Variants in RASGRF1 observed in about 807,000 individuals in gnomAD.
RASGRF1 encodes the protein ras-specific guanine nucleotide-releasing factor 1.
In RASGRF1, 40 loss-of-function variants were observed where a neutral mutation model predicts 138.7. The observed-to-expected ratio is 0.29, with a 90% confidence interval of 0.22 to 0.38. The LOEUF is 0.38. Ranked by LOEUF, RASGRF1 falls within the 10% of genes least tolerant of loss-of-function variation. The pLI, the probability that RASGRF1 is intolerant of heterozygous loss-of-function variation, is 1.00. For missense variants in RASGRF1, 1,108 were observed against 1,650.4 expected (o/e 0.67, Z 5.69); for synonymous variants, 614 against 663.2 (o/e 0.93, Z 1.14).
At position 79,001,827 on chromosome 15, in the gene RASGRF1, TTA is replaced by T. The variant is rs1491236619; in HGVS notation, c.2450-42_2450-41del. 629 of 1,241,114 alleles carry T rather than the reference TTA, an allele frequency of 5.1e-4. 5 individuals are homozygous for T. The African/African-American group carries it at 1.0e-2, about 20-fold the overall frequency. 76.9% of individuals were successfully genotyped at this position (1,241,114 alleles called of 1,614,324 possible). ...ATAAATAATTTTACTTTTCTTAATTTTAATTTTAAAATTTAAATATTTGATTT... is the reference window on the plus strand; with the variant it reads ...ATAAATAATTTTACTTTTCTTAATTTATTTTAAAATTTAAATATTTGATTT... On this transcript the variant is annotated intron_variant, in intron 15 of 26. Transcript: ENST00000558480.
intron 23 of RASGRF1, 22 bp downstream of exon 23, chr15:78,984,985 G>A (rs11855236): frequency 3.2e-5 from 52 of 1,608,214 alleles, no homozygotes; most frequent in Non-Finnish European, 4.3e-5. Context: ...GGGAGGCAGT[G>A]GTGCCAGCCT....
rs1439188724 is a variant in RASGRF1, at chr15:79,025,300, C to A, written c.1542+14G>T. ...AGCTGGGCAGCCCCCAAGCCCCTCT[C>A]CCGTAGCCCTTACCTTGGTCAAGTG... is the stretch of plus-strand genomic sequence containing the variant. On this transcript the variant is annotated intron_variant, in intron 10 of 26. Transcript: ENST00000558480. 6.9e-6 allele frequency: 11 copies of A among 1,594,374 alleles called. No individual in the cohort carries two copies. The highest frequency in any genetic ancestry group is 9.4e-6 in the Non-Finnish European group (11 of 1,167,136).
chr15:79,004,941 G>T, intron 14 of RASGRF1: 2 of 984,264 alleles, frequency 2.0e-6, no homozygotes, highest in Non-Finnish European at 2.4e-6. Flanking sequence ...GAAAGGTTAA[G>T]GGACTCAGCC....
intron 4 of RASGRF1, among the ~76,000 whole-genome samples, chr15:79,048,030 C>T (rs1396011746): frequency 1.3e-5 from 2 of 152,106 alleles, no homozygotes; most frequent in African/African-American, 4.8e-5. Context: ...CTCTGAGGCT[C>T]CAGGAGGGTG....
chr15:79,003,828 T>C lies in RASGRF1; in HGVS notation c.2423A>G (p.Glu808Gly). The C allele has an allele frequency of 6.2e-7, 1 of 1,609,096 alleles. No individual in the cohort carries two copies. The change falls in exon 15 of 27, where the codon GAA becomes GGA. Residue 808 changes from glutamate (E) to glycine (G), a missense_variant. Coordinates refer to ENST00000558480, the MANE Select transcript of RASGRF1 (RefSeq NM_001145648.3). The part of the protein sequence containing the change: ...DEGDTTPEKP[E>G]DPSALSKQSS... ...CTGCTTGCTGAGCGCTGAAGGGTCT[T>C]CGGGCTTCTCAGGGGTCGTATCGCC...
At chr15:79,085,057 T>C (rs758275084) in intron 1 of RASGRF1, among the ~76,000 whole-genome samples, 4 of 152,222 alleles carry the variant, frequency 2.6e-5, no homozygotes, top group Non-Finnish European at 5.9e-5. Flanking sequence ...CCTGCTCTCC[T>C]GGTGCTTACA....
chr15:79,058,428 A>C lies in RASGRF1; in HGVS notation c.437T>G (p.Leu146Arg). The change falls in exon 3 of 27, where the codon CTG becomes CGG. Residue 146 changes from leucine to arginine, a missense_variant. Leu to Arg is a moderately radical substitution (Grantham distance 102). Around this residue, in one of 3 missense-constraint regions of RASGRF1, gnomAD observed 253 missense variants for 329.5 expected, o/e 0.77. Coordinates refer to ENST00000558480, the MANE Select transcript of RASGRF1 (RefSeq NM_001145648.3). ...HEALMQKYLHLLQIVETEKTV... is the reference protein window; with the variant it reads ...HEALMQKYLHRLQIVETEKTV... Reference sequence around the variant, plus strand: ...CTTCTCTGTCTCCACGATCTGCAGCAGGTGCAGGTATTTCTGCATTAATGC... The same window carrying C: ...CTTCTCTGTCTCCACGATCTGCAGCCGGTGCAGGTATTTCTGCATTAATGC... The C allele has an allele frequency of 6.2e-7, 1 of 1,614,208 alleles. No homozygotes were observed. The highest frequency in any genetic ancestry group is 8.5e-7 in the Non-Finnish European group (1 of 1,180,040).
At chr15:79,072,202 G>A (rs548369017) in intron 1 of RASGRF1, among the ~76,000 whole-genome samples, 1 of 151,282 alleles carries the variant, frequency 6.6e-6, no homozygotes, top group South Asian at 2.1e-4. Context: ...GCGACTGCCT[G>A]AGGACCTCAC....
At chr15:79,077,902 A>T in intron 1 of RASGRF1, among the ~76,000 whole-genome samples, 1 of 36,640 alleles carries the variant, frequency 2.7e-5, no homozygotes, top group Admixed American at 4.1e-4. Context: ...CCTCTGAGAG[A>T]AGGGGTGGGT....
chr15:78,973,204 A>G lies in RASGRF1; in HGVS notation c.3612+99T>C. On this transcript the variant is annotated intron_variant, in intron 25 of 26. Coordinates refer to ENST00000558480, the MANE Select transcript of RASGRF1 (RefSeq NM_001145648.3). The surrounding 1 kb of genome is among the most constrained non-coding windows in gnomAD (Gnocchi z 4.9). ...GCTCCCAAATGGGGGCACCCTATGC[A>G]GCAGGTTGGGCCTTGGGGGGCAGAG... 1 of 937,404 alleles carries G rather than the reference A, an allele frequency of 1.1e-6. No homozygotes were observed. Among genetic ancestry groups the G allele is most frequent in the Non-Finnish European group, 1.6e-6 (1 of 614,618 alleles). The allele number at this position is 937,404 out of a possible 1,614,324, so 58.1% of individuals were successfully genotyped here. A position where few individuals can be genotyped will look rare whatever the true frequency, so the allele number is the denominator to read the frequency against.
In RASGRF1 at chr15:79,089,584, C is replaced by T. The variant is rs543120701; in HGVS notation, c.276+639G>A. 2.6e-5 allele frequency among the ~76,000 whole-genome samples: 4 copies of T among 152,350 alleles called. No individual in the cohort carries two copies. The East Asian group carries it at 7.7e-4, about 29-fold the overall frequency. On this transcript the variant is annotated intron_variant, in intron 1 of 26. Coordinates refer to ENST00000558480, the MANE Select transcript of RASGRF1 (RefSeq NM_001145648.3). ...TGGCCCTAGCCCCGGCGCATCAGAGCGGTCCTTGGGAATCTTTGGGCTTGT... is the reference window on the plus strand; with the variant it reads ...TGGCCCTAGCCCCGGCGCATCAGAGTGGTCCTTGGGAATCTTTGGGCTTGT...
At chr15:78,968,961 T>C (rs1254789342) in intron 26 of RASGRF1, among the ~76,000 whole-genome samples, 1 of 152,160 alleles carries the variant, frequency 6.6e-6, no homozygotes, top group Non-Finnish European at 1.5e-5. Flanking sequence ...ACTCTTGCTA[T>C]CTCCTCTTAG....
intron 22 of RASGRF1, 98 bp from the exon 23 acceptor site, chr15:78,985,302 A>G: frequency 7.9e-7 from 1 of 1,263,668 alleles, no homozygotes; most frequent in Non-Finnish European, 1.1e-6. Context: ...GCTTGAAAAT[A>G]CAAGAAGGAA....
At chr15:78,970,134 C>T (rs564162063) in intron 26 of RASGRF1, among the ~76,000 whole-genome samples, 40 of 152,236 alleles carry the variant, frequency 2.6e-4, no homozygotes, top group Admixed American at 4.6e-4. Flanking sequence ...CTTGATTTTC[C>T]GGTGTGCTTG....
chr15:79,004,600 G>A, intron 14 of RASGRF1: 4 of 978,504 alleles, frequency 4.1e-6, no homozygotes, highest in Non-Finnish European at 4.9e-6. Flanking sequence ...CTCAGAGACA[G>A]GAAATGACTC....
intron 12 of RASGRF1, among the ~76,000 whole-genome samples, chr15:79,016,589 G>A (rs1357377366): frequency 1.3e-5 from 2 of 152,220 alleles, no homozygotes; most frequent in Admixed American, 6.5e-5. Flanking sequence ...GGCCTTTGAC[G>A]GCTGCGGCTC....
chr15:78,983,555 T>A (rs1419949406), intron 23 of RASGRF1, among the ~76,000 whole-genome samples: 1 of 152,186 alleles, frequency 6.6e-6, no homozygotes, highest in East Asian at 1.9e-4. Flanking sequence ...AAGCCTGGTC[T>A]GCAGGGCCTC....
At chr15:79,079,196 C>T (rs552417013) in intron 1 of RASGRF1, among the ~76,000 whole-genome samples, 203 of 152,342 alleles carry the variant, frequency 1.3e-3, no homozygotes, top group Non-Finnish European at 2.3e-3. Context: ...GTGGCTGTTA[C>T]ACTTGGCTGG....
At position 79,090,565 on chromosome 15, in the gene RASGRF1, C is replaced by A. The variant is rs553559676; in HGVS notation, c.-67G>T. On this transcript the variant is annotated 5_prime_UTR_variant, in exon 1 of 27. Coordinates refer to ENST00000558480, the MANE Select transcript of RASGRF1 (RefSeq NM_001145648.3). Reference sequence around the variant, plus strand: ...TCCGCGCAGCAGCCCCCCGTCCGTGCGCGCTGCGCGCTGCCTCTCTCTGGC... The same window carrying A: ...TCCGCGCAGCAGCCCCCCGTCCGTGAGCGCTGCGCGCTGCCTCTCTCTGGC... 3.0e-3 allele frequency: 4,647 copies of A among 1,561,780 alleles called. 10 individuals are homozygous for A. Among genetic ancestry groups the A allele is most frequent in the Non-Finnish European group, 3.7e-3 (4,238 of 1,156,322 alleles).
Sources: allele counts gnomAD v4.1 joint callset (sites outside exome capture counted in the v4.1 genomes callset), GRCh38; gene constraint gnomAD v4.1.1; regional missense constraint gnomAD v4.1.1; non-coding constraint Gnocchi (gnomAD v3.1); transcripts MANE v1.5; gene names NCBI Gene and HGNC (gene_info 2026-07-23, HGNC 2026-07-21).